The following ARNT2 variants were observed in gnomAD, a reference collection of about 807,000 sequenced individuals.
ARNT2 encodes the protein aryl hydrocarbon receptor nuclear translocator 2, also known as ARNT protein 2.
ARNT2 carries 36 observed loss-of-function variants against 91.7 expected under a neutral mutation model. That is an observed-to-expected ratio of 0.39 (90% CI 0.30 to 0.52). ARNT2 has a LOEUF of 0.52. Among genes scored for constraint, ARNT2 ranks in the 20% least tolerant of loss-of-function variants. ARNT2 has a pLI of 0.72. For synonymous variants in ARNT2, 365 were observed against 347.1 expected (o/e 1.05, Z -0.57); for missense variants, 775 against 939.3 (o/e 0.83, Z 2.29).
intron 5 of ARNT2, among the ~76,000 whole-genome samples, chr15:80,476,168 G>A (rs1896799779): frequency 1.3e-5 from 2 of 152,326 alleles, no homozygotes; most frequent in Non-Finnish European, 2.9e-5. Context: ...GTCTCAGAAG[G>A]TGTGGTCATT....
chr15:80,578,166 A>G (rs1376275358), intron 15 of ARNT2, among the ~76,000 whole-genome samples: 7 of 152,122 alleles, frequency 4.6e-5, no homozygotes, highest in African/African-American at 1.7e-4. Flanking sequence ...ACTCTGGACA[A>G]AGGGGATCAG....
At chr15:80,415,474 C>T (rs1183695069) in intron 1 of ARNT2, among the ~76,000 whole-genome samples, 3 of 152,086 alleles carry the variant, frequency 2.0e-5, no homozygotes, top group Non-Finnish European at 4.4e-5. Context: ...CCAAATGCAA[C>T]AGGAGGCCAT....
At chr15:80,522,739 G>T (rs1456551936) in intron 8 of ARNT2, among the ~76,000 whole-genome samples, 1 of 148,760 alleles carries the variant, frequency 6.7e-6, no homozygotes, top group African/African-American at 2.6e-5. Flanking sequence ...ACTGCATAAT[G>T]ACTGTGTGAC....
chr15:80,465,685 T>C (rs1368669819), intron 3 of ARNT2, among the ~76,000 whole-genome samples: 1 of 152,192 alleles, frequency 6.6e-6, no homozygotes, highest in Non-Finnish European at 1.5e-5. Flanking sequence ...ACCTGCTGCC[T>C]TGAGGTGCCC....
At chr15:80,471,894 G>A (rs991859323) in intron 4 of ARNT2, among the ~76,000 whole-genome samples, 5 of 152,148 alleles carry the variant, frequency 3.3e-5, no homozygotes, top group South Asian at 2.1e-4. Flanking sequence ...TAGTGAGGTC[G>A]TATTTTATAA....
intron 1 of ARNT2, among the ~76,000 whole-genome samples, chr15:80,424,452 C>G (rs369299214): frequency 1.3e-5 from 2 of 152,206 alleles, no homozygotes; most frequent in African/African-American, 4.8e-5. Flanking sequence ...TGTTCGGAGG[C>G]TGGCCCACTT....
intron 14 of ARNT2, among the ~76,000 whole-genome samples, chr15:80,576,045 T>C (rs1056385624): frequency 6.6e-6 from 1 of 152,216 alleles, no homozygotes; most frequent in Admixed American, 6.5e-5. Context: ...CTGAGGAAGA[T>C]ACTTTTATTC....
chr15:80,440,028 G>T (rs963236187), intron 1 of ARNT2, among the ~76,000 whole-genome samples: 1 of 152,092 alleles, frequency 6.6e-6, no homozygotes, highest in African/African-American at 2.4e-5. Flanking sequence ...TACTGCACAG[G>T]GCTCCTGATT....
intron 12 of ARNT2, among the ~76,000 whole-genome samples, chr15:80,565,774 T>C (rs1898469495): frequency 6.6e-6 from 1 of 152,220 alleles, no homozygotes; most frequent in South Asian, 2.1e-4. Flanking sequence ...GGATTCTGGA[T>C]ATCATGTCTT....
At chr15:80,475,784 C>T (rs1896793806) in intron 5 of ARNT2, among the ~76,000 whole-genome samples, 3 of 152,152 alleles carry the variant, frequency 2.0e-5, no homozygotes, top group Non-Finnish European at 1.5e-5. Context: ...TTAGCCAGAT[C>T]CATATGCCCT....
At chr15:80,542,144 T>C (rs1897917610) in intron 8 of ARNT2, among the ~76,000 whole-genome samples, 1 of 152,260 alleles carries the variant, frequency 6.6e-6, no homozygotes, top group Non-Finnish European at 1.5e-5. Context: ...AAATTTTACA[T>C]ACACACACTT....
intron 15 of ARNT2, chr15:80,580,121 A>G (rs1898763526): frequency 5.8e-6 from 2 of 342,872 alleles, no homozygotes; most frequent in Admixed American, 7.6e-5. Flanking sequence ...GTACAGGCAT[A>G]GGATAGGGGC....
intron 8 of ARNT2, among the ~76,000 whole-genome samples, chr15:80,542,561 G>T (rs1449597492): frequency 6.6e-6 from 1 of 151,946 alleles, no homozygotes; most frequent in Non-Finnish European, 1.5e-5. Flanking sequence ...GTATTTTATT[G>T]GTCAAATAGT....
intron 2 of ARNT2, among the ~76,000 whole-genome samples, chr15:80,454,879 C>A (rs1403731085): frequency 6.6e-6 from 1 of 152,180 alleles, no homozygotes; most frequent in Non-Finnish European, 1.5e-5. Flanking sequence ...GGCATTCAGG[C>A]TCATCGACGG....
chr15:80,535,883 G>C (rs189151475), intron 8 of ARNT2, among the ~76,000 whole-genome samples: 43 of 152,288 alleles, frequency 2.8e-4, no homozygotes, highest in African/African-American at 9.4e-4. Context: ...CCATGTCCCT[G>C]TGGTGTTTGT....
chr15:80,567,900 G>A (rs1179138217), intron 12 of ARNT2, among the ~76,000 whole-genome samples: 1 of 152,152 alleles, frequency 6.6e-6, no homozygotes, highest in Admixed American at 6.5e-5. Context: ...TTTTGAATTT[G>A]TGAGGCGAAA....
intron 17 of ARNT2, among the ~76,000 whole-genome samples, chr15:80,581,790 A>G (rs538375600): frequency 6.6e-6 from 1 of 152,370 alleles, no homozygotes; most frequent in South Asian, 2.1e-4. Flanking sequence ...ATAACACTGC[A>G]AAGTTTTCTG....
At chr15:80,521,717 C>T (rs769294280) in intron 8 of ARNT2, among the ~76,000 whole-genome samples, 11 of 152,044 alleles carry the variant, frequency 7.2e-5, no homozygotes, top group East Asian at 1.9e-4. Flanking sequence ...GTAAATAAAA[C>T]GTTTCGTAGA....
intron 18 of ARNT2, among the ~76,000 whole-genome samples, chr15:80,592,126 C>T (rs908503422): frequency 6.6e-6 from 1 of 152,210 alleles, no homozygotes; most frequent in Non-Finnish European, 1.5e-5. Context: ...CAGGCCCTTG[C>T]TCAGTGCCAG....
Sources: gnomAD v4.1 joint callset for allele counts (sites outside exome capture counted in the v4.1 genomes callset) on GRCh38, gnomAD v4.1.1 for gene constraint, MANE v1.5 for transcripts, NCBI Gene and HGNC (gene_info 2026-07-23, HGNC 2026-07-21) for gene names.